Variants in RBFOX1 observed in about 807,000 individuals in gnomAD.
RBFOX1 encodes the protein RNA binding fox-1 homolog 1.
Under a neutral mutation model 57.7 loss-of-function variants are expected in RBFOX1, and 8 were observed. That is an observed-to-expected ratio of 0.14 (90% CI 0.08 to 0.25). The LOEUF (loss-of-function observed/expected upper bound fraction) is 0.25, where lower values mean the gene tolerates loss of function less well. RBFOX1 is among the 10% of genes least tolerant of loss of function. The pLI, the probability that RBFOX1 is intolerant of heterozygous loss-of-function variation, is 1.00. For synonymous variants in RBFOX1, 326 were observed against 222.4 expected, an observed-to-expected ratio of 1.47 and a Z score of -4.15; for missense variants, 611 against 548.5, an observed-to-expected ratio of 1.11 and a Z score of -1.14.
At chr16:7,572,909 G>A (rs562222690) in intron 5 of RBFOX1, among the ~76,000 whole-genome samples, 19 of 150,120 alleles carry the variant, frequency 1.3e-4, no homozygotes, top group African/African-American at 2.9e-4. Flanking sequence ...TTGAGGAACC[G>A]TACTATAGTG....
chr16:5,948,002 A>G (rs1443007421), intron 4 of RBFOX1, among the ~76,000 whole-genome samples: 1 of 152,324 alleles, frequency 6.6e-6, no homozygotes, highest in East Asian at 1.9e-4. Flanking sequence ...ACATATGTTC[A>G]TACATTTTCA....
At chr16:7,057,584 G>T (rs896239298) in intron 4 of RBFOX1, among the ~76,000 whole-genome samples, 1 of 152,194 alleles carries the variant, frequency 6.6e-6, no homozygotes, top group Non-Finnish European at 1.5e-5. Context: ...GCTTAGTCTG[G>T]ATCAGTTGTT....
chr16:6,920,481 G>C (rs763370859), intron 3 of RBFOX1, among the ~76,000 whole-genome samples: 1 of 152,188 alleles, frequency 6.6e-6, no homozygotes, highest in Non-Finnish European at 1.5e-5. Context: ...CATTAAGGGA[G>C]CACCGAGTCC....
intron 3 of RBFOX1, among the ~76,000 whole-genome samples, chr16:5,818,779 T>C (rs1443736451): frequency 1.3e-5 from 2 of 152,188 alleles, no homozygotes; most frequent in South Asian, 2.1e-4. Flanking sequence ...ATGTCTCCCC[T>C]GAGCATTGGA....
rs531054247 is a variant in RBFOX1 at position 6,731,525 on chromosome 16, G to A, written c.-16+76875G>A. On this transcript the variant is annotated intron_variant, in intron 3 of 15. Coordinates refer to ENST00000550418, the MANE Select transcript of RBFOX1 (RefSeq NM_018723.4). ...CTCAGTTCTTGAGAGTATTTCTCAG[G>A]ATTATGGGAAGTTGCTTTGCCCATG... is the stretch of plus-strand genomic sequence containing the variant. Among the ~76,000 whole-genome samples, 3 of 152,228 alleles carry A rather than the reference G, an allele frequency of 2.0e-5. No homozygotes were observed. The South Asian group carries it at 6.2e-4, about 32-fold the overall frequency.
intron 1 of RBFOX1, among the ~76,000 whole-genome samples, chr16:6,233,590 C>T (rs1598627901): frequency 6.6e-6 from 1 of 152,104 alleles, no homozygotes; most frequent in South Asian, 2.1e-4. Context: ...TTCACTAAGT[C>T]TCCACACCAC....
At chr16:7,100,569 T>G (rs1333416638) in intron 4 of RBFOX1, among the ~76,000 whole-genome samples, 1 of 143,916 alleles carries the variant, frequency 6.9e-6, no homozygotes, top group Admixed American at 7.4e-5. Context: ...AAGGTTGTTT[T>G]TTTTTTTTTT....
intron 4 of RBFOX1, among the ~76,000 whole-genome samples, chr16:7,268,541 C>T (rs1820309134): frequency 6.6e-6 from 1 of 152,104 alleles, no homozygotes; most frequent in African/African-American, 2.4e-5. Context: ...TTTGAATTGC[C>T]AATTGACTTG....
rs548013730 is a variant in RBFOX1 at position 7,182,577 on chromosome 16, A to G, written c.27+130479A>G. Among the ~76,000 whole-genome samples the G allele has an allele frequency of 1.2e-3, 190 of 152,352 alleles. 1 individual carries two copies. Among genetic ancestry groups the G allele is most frequent in the African/African-American group, 4.5e-3 (186 of 41,586 alleles). Reference sequence around the variant, plus strand: ...CCTAATACATCCTGTTGCAAAGAACAGAAACCCAGTTTAGACTCAGTTAAG... The same window carrying G: ...CCTAATACATCCTGTTGCAAAGAACGGAAACCCAGTTTAGACTCAGTTAAG... On this transcript the variant is annotated intron_variant, in intron 4 of 15. Transcript: ENST00000550418.
chr16:7,666,014 G>T (rs1042304080), intron 13 of RBFOX1, among the ~76,000 whole-genome samples: 1 of 152,014 alleles, frequency 6.6e-6, no homozygotes, highest in African/African-American at 2.4e-5. Context: ...TTTTTCCCCC[G>T]TAATAAAATG....
intron 1 of RBFOX1, among the ~76,000 whole-genome samples, chr16:6,073,849 G>C (rs1348140647): frequency 6.6e-6 from 1 of 152,108 alleles, no homozygotes; most frequent in Non-Finnish European, 1.5e-5. Context: ...AATTCAGCAA[G>C]GTTAAATGAA....
intron 5 of RBFOX1, among the ~76,000 whole-genome samples, chr16:7,544,979 T>C (rs546349246): frequency 6.6e-6 from 1 of 152,298 alleles, no homozygotes; most frequent in East Asian, 1.9e-4. Flanking sequence ...AATGTATGAA[T>C]GAATGAATGA....
At chr16:6,084,176 A>G (rs2096053229) in intron 1 of RBFOX1, among the ~76,000 whole-genome samples, 1 of 152,100 alleles carries the variant, frequency 6.6e-6, no homozygotes, top group Admixed American at 6.5e-5. Context: ...AGCACGTGTA[A>G]AGTGTTTTTG....
At chr16:5,576,868 G>T (rs1283610963) in intron 2 of RBFOX1, among the ~76,000 whole-genome samples, 2 of 152,238 alleles carry the variant, frequency 1.3e-5, no homozygotes, top group Admixed American at 6.5e-5. Flanking sequence ...AGATTTTTCA[G>T]ATCTGCTATT....
intron 13 of RBFOX1, among the ~76,000 whole-genome samples, chr16:7,672,998 T>G (rs1209187670): frequency 6.6e-6 from 1 of 152,048 alleles, no homozygotes; most frequent in East Asian, 1.9e-4. Flanking sequence ...CACACCTGTT[T>G]TGCACCAAGT....
At chr16:6,493,065 A>G (rs1390223193) in intron 2 of RBFOX1, among the ~76,000 whole-genome samples, 2 of 152,202 alleles carry the variant, frequency 1.3e-5, no homozygotes, top group African/African-American at 4.8e-5. Flanking sequence ...GATAATTAAA[A>G]AATATTTAAG....
intron 15 of RBFOX1, 41 bp downstream of exon 15, chr16:7,709,172 CCCTT>C (rs764076219): frequency 6.5e-7 from 1 of 1,543,536 alleles, no homozygotes; most frequent in Non-Finnish European, 8.9e-7. Flanking sequence ...CCTCCTGCCT[CCCTT>C]CCCTTTCCCC....
At chr16:7,225,608 A>G (rs1603370169) in intron 4 of RBFOX1, among the ~76,000 whole-genome samples, 1 of 151,984 alleles carries the variant, frequency 6.6e-6, no homozygotes, top group South Asian at 2.1e-4. Context: ...TTGTGACCTT[A>G]CATTCAAAGA....
intron 2 of RBFOX1, among the ~76,000 whole-genome samples, chr16:6,416,454 C>A (rs1022655502): frequency 1.3e-5 from 2 of 152,152 alleles, no homozygotes; most frequent in Admixed American, 6.5e-5. Flanking sequence ...TCCTTCCCTC[C>A]CTGCCTCCTC....
Sources: allele counts gnomAD v4.1 joint callset (sites outside exome capture counted in the v4.1 genomes callset), GRCh38; gene constraint gnomAD v4.1.1; transcripts MANE v1.5; gene names NCBI Gene and HGNC (gene_info 2026-07-23, HGNC 2026-07-21).